Variants in IGSF21 observed in about 807,000 individuals in gnomAD.
The protein encoded by IGSF21 is immunoglobulin superfamily member 21.
In IGSF21, 28 loss-of-function variants were observed where a neutral mutation model predicts 46.8. The ratio of observed to expected loss-of-function variants is 0.60; its 90% CI spans 0.44 to 0.82. IGSF21 has a LOEUF of 0.82. Among genes scored for constraint, IGSF21 ranks in the 40% least tolerant of loss-of-function variants. The probability of loss-of-function intolerance (pLI) is 0.00; values close to 1 mark genes in which losing one functional copy is unlikely to be tolerated. For synonymous variants in IGSF21, 284 were observed against 273.6 expected (o/e 1.04, Z -0.38); for missense variants, 624 against 665.5 (o/e 0.94, Z 0.69).
At chr1:18,258,790 G>A (rs1478150203) in intron 2 of IGSF21, among the ~76,000 whole-genome samples, 2 of 152,198 alleles carry the variant, frequency 1.3e-5, no homozygotes, top group Non-Finnish European at 2.9e-5. Flanking sequence ...GGAATGCACA[G>A]CAAAGCTCAG....
chr1:18,156,808 G>A (rs559632913), intron 1 of IGSF21, among the ~76,000 whole-genome samples: 27 of 152,322 alleles, frequency 1.8e-4, no homozygotes, highest in Non-Finnish European at 3.7e-4. Context: ...GGCTGGAAGT[G>A]AGAGCGGACA....
chr1:18,141,213 G>C (rs1162679426), intron 1 of IGSF21, among the ~76,000 whole-genome samples: 1 of 152,224 alleles, frequency 6.6e-6, no homozygotes, highest in Non-Finnish European at 1.5e-5. Context: ...ATCTAGTCGG[G>C]AGGAAGACAG....
In IGSF21 at chr1:18,138,185, A is replaced by G. The variant is rs570810591; in HGVS notation, c.70+29987A>G. 2.0e-5 allele frequency among the ~76,000 whole-genome samples: 3 copies of G among 152,260 alleles called. No homozygotes were observed. The South Asian group carries it at 6.2e-4, about 32-fold the overall frequency. ...CAGAGCCAGAGACAGTTTGCTCTGG[A>G]GCCCCAAGCATGGGCTACAGAACCA... On this transcript the variant is annotated intron_variant, in intron 1 of 9. Transcript: ENST00000251296.
intron 2 of IGSF21, among the ~76,000 whole-genome samples, chr1:18,248,186 GC>G (rs2084802906): frequency 6.6e-6 from 1 of 152,210 alleles, no homozygotes; most frequent in Non-Finnish European, 1.5e-5. Context: ...CTGAGCTTCT[GC>G]CTCTACTTCC....
chr1:18,121,600 C>G (rs565196805), intron 1 of IGSF21, among the ~76,000 whole-genome samples: 2 of 152,218 alleles, frequency 1.3e-5, no homozygotes, highest in African/African-American at 2.4e-5. Flanking sequence ...CTGGGCAAGA[C>G]AGAGTGCACC....
intron 1 of IGSF21, among the ~76,000 whole-genome samples, chr1:18,226,153 G>A (rs1435528533): frequency 2.6e-5 from 4 of 152,236 alleles, no homozygotes; most frequent in South Asian, 2.1e-4. Flanking sequence ...TCCTCCTGAA[G>A]GTGGCCTCCT....
At chr1:18,250,100 T>TCCCTCCCTCCCA (rs2084825114) in intron 2 of IGSF21, among the ~76,000 whole-genome samples, 1 of 46,236 alleles carries the variant, frequency 2.2e-5, no homozygotes, top group Non-Finnish European at 4.0e-5. Flanking sequence ...CCTCCCTCGC[T>TCCCTCCCTCCCA]CCCTCCCTCC....
intron 1 of IGSF21, among the ~76,000 whole-genome samples, chr1:18,225,079 TCTCTCTCA>T (rs1224377655): frequency 5.1e-4 from 17 of 33,428 alleles, no homozygotes; most frequent in African/African-American, 9.3e-4. Flanking sequence ...TCTCTCTCTC[TCTCTCTCA>T]CACACACACA....
intron 2 of IGSF21, among the ~76,000 whole-genome samples, chr1:18,273,199 C>A (rs2085060374): frequency 6.6e-6 from 1 of 151,862 alleles, no homozygotes. Flanking sequence ...TGTCACCATG[C>A]CTGGCTAATT....
At chr1:18,351,825 C>T (rs1055797056) in intron 4 of IGSF21, among the ~76,000 whole-genome samples, 3 of 152,234 alleles carry the variant, frequency 2.0e-5, no homozygotes, top group Non-Finnish European at 2.9e-5. Context: ...TCTGCAGACA[C>T]GGCACCTGTC....
intron 3 of IGSF21, among the ~76,000 whole-genome samples, chr1:18,329,929 G>A (rs920626593): frequency 3.9e-5 from 6 of 152,182 alleles, no homozygotes; most frequent in South Asian, 2.1e-4. Context: ...GCTGTGCCTG[G>A]CTTTTCAAAA....
rs558722637 is a variant in IGSF21 at position 18,273,004 on chromosome 1, C to G, written c.184-18862C>G. Among the ~76,000 whole-genome samples, 67 of 149,552 alleles carry G rather than the reference C, an allele frequency of 4.5e-4. No individual in the cohort carries two copies. In the South Asian group the frequency reaches 0.014, roughly 30 times the overall value. ...CCAGGTCTCCTTGCCCCCACTGGGC[C>G]CTCCAATCCCTTCTCCACTAGCAGC... On this transcript the variant is annotated intron_variant, in intron 2 of 9. Coordinates refer to ENST00000251296, the MANE Select transcript of IGSF21 (RefSeq NM_032880.5).
At chr1:18,223,578 C>G in intron 1 of IGSF21, among the ~76,000 whole-genome samples, 1 of 152,190 alleles carries the variant, frequency 6.6e-6, no homozygotes, top group Non-Finnish European at 1.5e-5. Flanking sequence ...GGTACGAGGA[C>G]CCAAACTGCC....
chr1:18,198,961 TG>T (rs1352539745), intron 1 of IGSF21, among the ~76,000 whole-genome samples: 1 of 151,984 alleles, frequency 6.6e-6, no homozygotes, highest in Admixed American at 6.5e-5. Context: ...GCAGGTTCCA[TG>T]GGCCAGATGA....
chr1:18,339,879 G>T (rs546300641), intron 4 of IGSF21, among the ~76,000 whole-genome samples: 2 of 152,144 alleles, frequency 1.3e-5, no homozygotes, highest in South Asian at 4.2e-4. Context: ...CCCATTTTTG[G>T]TTCTCTCATC....
intron 2 of IGSF21, among the ~76,000 whole-genome samples, chr1:18,277,356 C>T (rs770861472): frequency 5.9e-5 from 9 of 152,130 alleles, no homozygotes; most frequent in Admixed American, 6.5e-5. Context: ...CCTGACAGGC[C>T]CTCCTGTACA....
chr1:18,314,093 T>C (rs1248596543), intron 3 of IGSF21, among the ~76,000 whole-genome samples: 1 of 152,224 alleles, frequency 6.6e-6, no homozygotes, highest in Non-Finnish European at 1.5e-5. Context: ...TTGCTGTAAT[T>C]ACTCTCACGG....
intron 1 of IGSF21, among the ~76,000 whole-genome samples, chr1:18,141,223 G>A (rs1465914744): frequency 3.3e-5 from 5 of 152,332 alleles, no homozygotes; most frequent in Non-Finnish European, 7.3e-5. Flanking sequence ...GAGGAAGACA[G>A]GGAGGAGGAG....
chr1:18,347,771 A>G (rs759739197), intron 4 of IGSF21, among the ~76,000 whole-genome samples: 2 of 152,178 alleles, frequency 1.3e-5, no homozygotes, highest in Non-Finnish European at 2.9e-5. Context: ...GAATAGAGCT[A>G]GCAGACTGTC....
Sources: allele counts gnomAD v4.1 joint callset (sites outside exome capture counted in the v4.1 genomes callset), GRCh38; gene constraint gnomAD v4.1.1; transcripts MANE v1.5; gene names NCBI Gene and HGNC (gene_info 2026-07-23, HGNC 2026-07-21).